Variants in TMEM117 observed in about 807,000 individuals in gnomAD.
The protein encoded by TMEM117 is transmembrane protein 117.
TMEM117 carries 27 observed loss-of-function variants against 52.4 expected under a neutral mutation model. The ratio of observed to expected loss-of-function variants is 0.51; its 90% confidence interval spans 0.38 to 0.71. The LOEUF (loss-of-function observed/expected upper bound fraction) is 0.71. Ranked by LOEUF, TMEM117 falls within the 30% of genes least tolerant of loss-of-function variation. The pLI is 0.00. For missense variants in TMEM117, 556 were observed against 630.5 expected, an observed-to-expected ratio of 0.88 and a Z score of 1.26; for synonymous variants, 215 against 206.3, an observed-to-expected ratio of 1.04 and a Z score of -0.36.
At chr12:44,035,500 T>G (rs1414664356) in intron 3 of TMEM117, among the ~76,000 whole-genome samples, 1 of 152,180 alleles carries the variant, frequency 6.6e-6, no homozygotes, top group Non-Finnish European at 1.5e-5. Context: ...AATACGTTAT[T>G]TAACTGGATG....
intron 5 of TMEM117, among the ~76,000 whole-genome samples, chr12:44,227,250 A>C (rs1018067546): frequency 2.0e-5 from 3 of 152,152 alleles, no homozygotes; most frequent in Non-Finnish European, 1.5e-5. Flanking sequence ...AGGCAGGCAG[A>C]TTGCTTGTGC....
chr12:44,392,700 G>A (rs749441591), downstream of TMEM117, among the ~76,000 whole-genome samples: 12 of 145,498 alleles, frequency 8.2e-5, no homozygotes, highest in Non-Finnish European at 1.4e-4. Flanking sequence ...CAGGCCCCGG[G>A]GTGTGATGTT....
At chr12:44,258,835 T>C (rs1950289879) in intron 5 of TMEM117, among the ~76,000 whole-genome samples, 1 of 152,176 alleles carries the variant, frequency 6.6e-6, no homozygotes, top group African/African-American at 2.4e-5. Context: ...CAGATGTTCA[T>C]TAATGTTCAT....
intron 6 of TMEM117, among the ~76,000 whole-genome samples, chr12:44,301,350 A>T (rs1316094261): frequency 6.6e-6 from 1 of 152,178 alleles, no homozygotes; most frequent in Non-Finnish European, 1.5e-5. Context: ...CAGGATTTAC[A>T]TAGGCAGAGT....
At chr12:43,994,429 T>G (rs921838758) in intron 3 of TMEM117, among the ~76,000 whole-genome samples, 4 of 152,216 alleles carry the variant, frequency 2.6e-5, no homozygotes, top group Admixed American at 1.3e-4. Flanking sequence ...TAAGTGATTT[T>G]AAGCCTAGCA....
the TMEM117 span, among the ~76,000 whole-genome samples, chr12:43,807,712 G>C: frequency 1.2e-4 from 18 of 152,174 alleles, no homozygotes; most frequent in African/African-American, 4.3e-4. Context: ...TCTCAGTCCT[G>C]AAGAAGAGGA....
At chr12:44,293,230 T>C (rs921484524) in intron 5 of TMEM117, among the ~76,000 whole-genome samples, 43 of 152,194 alleles carry the variant, frequency 2.8e-4, no homozygotes, top group African/African-American at 9.9e-4. Context: ...CTAATTTGAA[T>C]ATATCCACCC....
chr12:43,809,410 CTT>C, the TMEM117 span, among the ~76,000 whole-genome samples: 2 of 152,164 alleles, frequency 1.3e-5, no homozygotes, highest in Non-Finnish European at 2.9e-5. Flanking sequence ...CATTTTCTCT[CTT>C]GTTATATGTC....
intron 3 of TMEM117, among the ~76,000 whole-genome samples, chr12:44,105,749 C>T (rs1947942220): frequency 6.6e-6 from 1 of 151,936 alleles, no homozygotes; most frequent in Admixed American, 6.6e-5. Context: ...TTCCCTTCCC[C>T]AGGTCAGATA....
At position 43,907,997 on chromosome 12, in the gene TMEM117, G is replaced by A. The variant is rs577730346; in HGVS notation, c.278-36213G>A. On this transcript the variant is annotated intron_variant, in intron 2 of 7. Transcript: ENST00000266534. Reference sequence around the variant, plus strand: ...TTCAGATTCAGGAAATACAGAGAACGCCACAAAGATACTTCTTCAAAAGAG... The same window carrying A: ...TTCAGATTCAGGAAATACAGAGAACACCACAAAGATACTTCTTCAAAAGAG... 4.3e-3 allele frequency among the ~76,000 whole-genome samples: 277 copies of A among 65,066 alleles called. 48 individuals carry two copies. The highest frequency in any genetic ancestry group is 8.0e-3 in the African/African-American group (265 of 33,306). 42.7% of individuals were successfully genotyped at this position (65,066 alleles called of 152,430 possible).
intron 4 of TMEM117, among the ~76,000 whole-genome samples, chr12:44,180,530 A>T (rs1279889929): frequency 8.6e-6 from 1 of 115,758 alleles, no homozygotes; most frequent in Non-Finnish European, 1.7e-5. Context: ...CAGTCCCCAG[A>T]GTGTGATATT....
intron 3 of TMEM117, among the ~76,000 whole-genome samples, chr12:43,973,602 G>T (rs1252534727): frequency 6.6e-6 from 1 of 152,192 alleles, no homozygotes. Context: ...AGCAGCTTTT[G>T]AAACTGTCAT....
At chr12:43,810,454 C>T in the TMEM117 span, among the ~76,000 whole-genome samples, 1 of 152,024 alleles carries the variant, frequency 6.6e-6, no homozygotes, top group Admixed American at 6.6e-5. Context: ...CTTCCTTGTC[C>T]TTTATGTATT....
chr12:44,328,392 C>T (rs1187659564), intron 6 of TMEM117, among the ~76,000 whole-genome samples: 1 of 152,132 alleles, frequency 6.6e-6, no homozygotes, highest in Non-Finnish European at 1.5e-5. Context: ...AGAATTTCAG[C>T]ACTGTTAACA....
chr12:43,969,384 A>T (rs892603454), intron 3 of TMEM117, among the ~76,000 whole-genome samples: 1 of 106,628 alleles, frequency 9.4e-6, no homozygotes, highest in African/African-American at 3.1e-5. Context: ...TTAGCCAGGC[A>T]TGGGGGCGGG....
In TMEM117 at chr12:44,207,469, C is replaced by T. The variant is rs973788815; in HGVS notation, c.511-3821C>T. 6.6e-5 allele frequency among the ~76,000 whole-genome samples: 10 copies of T among 152,126 alleles called. No individual in the cohort carries two copies. The South Asian group carries it at 1.5e-3, about 22-fold the overall frequency. ...AAATATTTTATGAAGCCCTCTTAGACGACTGCAGCCTTCAGTGACCTCCTT... is the reference window on the plus strand; with the variant it reads ...AAATATTTTATGAAGCCCTCTTAGATGACTGCAGCCTTCAGTGACCTCCTT... On this transcript the variant is annotated intron_variant, in intron 4 of 7. Coordinates refer to ENST00000266534, the MANE Select transcript of TMEM117 (RefSeq NM_032256.3).
At chr12:44,317,873 A>G (rs1375762772) in intron 6 of TMEM117, among the ~76,000 whole-genome samples, 1 of 152,226 alleles carries the variant, frequency 6.6e-6, no homozygotes, top group African/African-American at 2.4e-5. Flanking sequence ...ACTCACCACC[A>G]CATGAGGGAA....
intron 5 of TMEM117, among the ~76,000 whole-genome samples, chr12:44,246,053 A>T (rs1177373935): frequency 6.6e-6 from 1 of 152,152 alleles, no homozygotes; most frequent in Non-Finnish European, 1.5e-5. Flanking sequence ...ACAGACTAAC[A>T]AAGAGATAAA....
rs77605335 is a variant in TMEM117 at position 43,869,744 on chromosome 12, A to T, written c.277+24816A>T. On this transcript the variant is annotated intron_variant, in intron 2 of 7. Coordinates refer to ENST00000266534, the MANE Select transcript of TMEM117 (RefSeq NM_032256.3). ...TTCCTTGGATCTCTACATTTTTTTT[A>T]AAATTTGTTATTTCCAACTTTTTAT... Among the ~76,000 whole-genome samples, 636 of 152,112 alleles carry T rather than the reference A, an allele frequency of 4.2e-3. 4 individuals carry two copies. The highest frequency in any genetic ancestry group is 0.014 in the African/African-American group (592 of 41,498).
Sources: allele counts gnomAD v4.1 joint callset (sites outside exome capture counted in the v4.1 genomes callset), GRCh38; gene constraint gnomAD v4.1.1; transcripts MANE v1.5; gene names NCBI Gene and HGNC (gene_info 2026-07-23, HGNC 2026-07-21).